DGAT1: variants seen among roughly 807,000 people sequenced by gnomAD.
The protein encoded by DGAT1 is diacylglycerol O-acyltransferase 1.
DGAT1 carries 60 observed loss-of-function variants against 72.6 expected under a neutral mutation model. The ratio of observed to expected loss-of-function variants is 0.83; its 90% CI spans 0.67 to 1.02. The LOEUF is 1.02. Ranked by LOEUF, DGAT1 falls within the 50% of genes least tolerant of loss-of-function variation. The pLI is 0.00. For synonymous variants in DGAT1, 290 were observed against 267.5 expected, an observed-to-expected ratio of 1.08 and a Z score of -0.82; for missense variants, 592 against 670.0, an observed-to-expected ratio of 0.88 and a Z score of 1.29.
In DGAT1 at chr8:144,318,726, T is replaced by C; in HGVS notation, c.441A>G (p.Ala147=). 2 of 1,608,312 alleles carry C rather than the reference T, an allele frequency of 1.2e-6. No homozygotes were observed. The highest frequency in any genetic ancestry group is 1.7e-6 in the Non-Finnish European group (2 of 1,177,862). The part of the protein sequence containing the change: ...VIAANVFAVA[A]FQVEKRLAVG... ...CCGCCAGGCGCTTCTCAACCTGGAA[T>C]GCAGCCACAGCAAAGACATTGGCCG... Residue 147 remains alanine, a synonymous_variant, in exon 5 of 17, where the codon GCA becomes GCG. Transcript: ENST00000528718.
At chr8:144,323,583 CCT>C (rs1179980369) in intron 1 of DGAT1, among the ~76,000 whole-genome samples, 1 of 152,152 alleles carries the variant, frequency 6.6e-6, no homozygotes, top group African/African-American at 2.4e-5. Context: ...CCTTTATCAC[CCT>C]CTCACTGACT....
At chr8:144,326,075 C>G (rs1384063794) in intron 1 of DGAT1, among the ~76,000 whole-genome samples, 1 of 152,160 alleles carries the variant, frequency 6.6e-6, no homozygotes, top group East Asian at 1.9e-4. Context: ...TCACCACAAA[C>G]TGCCCAGATC....
intron 2 of DGAT1, among the ~76,000 whole-genome samples, chr8:144,320,247 AG>A (rs1236872199): frequency 2.0e-5 from 3 of 152,228 alleles, no homozygotes; most frequent in Admixed American, 2.0e-4. Flanking sequence ...CCAAAGGGCC[AG>A]GCAGGCCCAA....
chr8:144,314,655 G>A lies in DGAT1; in HGVS notation c.*1899C>T, dbSNP rs563787134. ...GTTCCCCGCTCCACAGAGATACACAGATATATACACACAGTGGATGGACGG... is the reference window on the plus strand; with the variant it reads ...GTTCCCCGCTCCACAGAGATACACAAATATATACACACAGTGGATGGACGG... On this transcript the variant is annotated 3_prime_UTR_variant, in exon 17 of 17. Transcript: ENST00000528718. 27 of 389,924 alleles carry A rather than the reference G, an allele frequency of 6.9e-5. No homozygotes were observed. Among genetic ancestry groups the A allele is most frequent in the African/African-American group, 3.4e-4 (17 of 50,002 alleles). 24.2% of individuals were successfully genotyped at this position (389,924 alleles called of 1,614,324 possible).
At chr8:144,320,587 C>T (rs1370756576) in intron 2 of DGAT1, among the ~76,000 whole-genome samples, 8 of 152,152 alleles carry the variant, frequency 5.3e-5, no homozygotes, top group South Asian at 2.1e-4. Flanking sequence ...AGGCTGGGCC[C>T]AGATAGCCCT....
At position 144,315,171 on chromosome 8, in the gene DGAT1, G is replaced by A. The variant is rs1207332812; in HGVS notation, c.*1383C>T. 1.0e-6 allele frequency: 1 copy of A among 985,370 alleles called. No individual in the cohort carries two copies. The highest frequency in any genetic ancestry group is 1.7e-5 in the African/African-American group (1 of 57,238). 61.0% of individuals were successfully genotyped at this position (985,370 alleles called of 1,614,324 possible). A position where few individuals can be genotyped will look rare whatever the true frequency, so the allele number is the denominator to read the frequency against. The stretch of plus-strand genomic sequence containing the variant: ...TTTGCTGCTTTATCTGGCAGCAACA[G>A]TTTGTTCTCGAGCTCCACTGGCCAA... On this transcript the variant is annotated 3_prime_UTR_variant, in exon 17 of 17. Transcript: ENST00000528718.
rs781934211 is a variant in DGAT1 at position 144,318,377 on chromosome 8, G to T, written c.575-15C>A. 3.1e-6 allele frequency: 5 copies of T among 1,609,788 alleles called. No individual in the cohort carries two copies. The highest frequency in any genetic ancestry group is 4.2e-6 in the Non-Finnish European group (5 of 1,177,902). ...CAGGGAGCCCACTGCAGGAGAGGTG[G>T]ACTCAGGCCTCCACAGCGCCACAGC... is the stretch of plus-strand genomic sequence containing the variant. On this transcript the variant is annotated splice_polypyrimidine_tract_variant and intron_variant, in intron 6 of 16. Transcript: ENST00000528718.
chr8:144,319,413 C>G (rs1035968305), intron 2 of DGAT1, among the ~76,000 whole-genome samples: 1 of 152,218 alleles, frequency 6.6e-6, no homozygotes, highest in African/African-American at 2.4e-5. Context: ...CCTGCTGAGC[C>G]GAGCCAGTGA....
At chr8:144,319,877 T>G (rs1212710022) in intron 2 of DGAT1, among the ~76,000 whole-genome samples, 1 of 152,164 alleles carries the variant, frequency 6.6e-6, no homozygotes, top group Non-Finnish European at 1.5e-5. Context: ...TCGGGCCTCA[T>G]GCGGTAGTGA....
Position 144,314,816 on chromosome 8 carries a change from G to T in DGAT1, c.*1738C>A, listed in dbSNP as rs1030283105. The T allele has an allele frequency of 6.3e-6, 5 of 794,060 alleles. No individual in the cohort carries two copies. In the East Asian group the frequency reaches 4.9e-4, roughly 77 times the overall value. 49.2% of individuals were successfully genotyped at this position (794,060 alleles called of 1,614,324 possible). A position where few individuals can be genotyped will look rare whatever the true frequency, so the allele number is the denominator to read the frequency against. ...GGCACAGAAGGGCCGGGCTGCAGTGGCCTCCTGGGGGAAGACGGATGCTTG... is the reference window on the plus strand; with the variant it reads ...GGCACAGAAGGGCCGGGCTGCAGTGTCCTCCTGGGGGAAGACGGATGCTTG... On this transcript the variant is annotated 3_prime_UTR_variant, in exon 17 of 17. Transcript: ENST00000528718.
At chr8:144,320,402 G>A (rs1554847979) in intron 2 of DGAT1, among the ~76,000 whole-genome samples, 1 of 152,202 alleles carries the variant, frequency 6.6e-6, no homozygotes, top group Non-Finnish European at 1.5e-5. Flanking sequence ...AGGACTCGTG[G>A]GCCTCCACAG....
At position 144,318,680 on chromosome 8, in the gene DGAT1, G is replaced by A. The variant is rs1554847716; in HGVS notation, c.468+19C>T. The A allele has an allele frequency of 1.2e-6, 2 of 1,608,856 alleles. No homozygotes were observed. Among genetic ancestry groups the A allele is most frequent in the East Asian group, 2.2e-5 (1 of 44,708 alleles). ...ACACAGCAGGGTGAGCACACACGGAGGTGAGGGGCACTGCTTACCACCGCC... is the reference window on the plus strand; with the variant it reads ...ACACAGCAGGGTGAGCACACACGGAAGTGAGGGGCACTGCTTACCACCGCC... On this transcript the variant is annotated intron_variant, in intron 5 of 16. Coordinates refer to ENST00000528718, the MANE Select transcript of DGAT1 (RefSeq NM_012079.6).
chr8:144,320,351 T>C (rs1817413430), intron 2 of DGAT1, among the ~76,000 whole-genome samples: 1 of 152,188 alleles, frequency 6.6e-6, no homozygotes, highest in African/African-American at 2.4e-5. Context: ...GGGCTGGCGC[T>C]GGGCCCACTG....
rs148532878 is a variant in DGAT1 at position 144,318,735 on chromosome 8, A to G, written c.432T>C (p.Ala144=). ...PCLVIAANVF[A]VAAFQVEKRL... is the part of the protein sequence containing the mutation. ...GCTTCTCAACCTGGAATGCAGCCAC[A>G]GCAAAGACATTGGCCGCTGTGGACA... Residue 144 remains alanine, a synonymous_variant, in exon 5 of 17, where the codon GCT becomes GCC. Coordinates refer to ENST00000528718, the MANE Select transcript of DGAT1 (RefSeq NM_012079.6). 1.4e-4 allele frequency: 221 copies of G among 1,608,276 alleles called. No homozygotes were observed. The African/African-American group carries it at 2.4e-3, about 18-fold the overall frequency.
chr8:144,319,696 C>T (rs1340366190), intron 2 of DGAT1, among the ~76,000 whole-genome samples: 2 of 152,212 alleles, frequency 1.3e-5, no homozygotes, highest in Non-Finnish European at 2.9e-5. Flanking sequence ...GGCTCCAAAG[C>T]AACTTCCCAG....
In DGAT1 at chr8:144,321,361, C is replaced by T. The variant is rs782421322; in HGVS notation, c.248G>A (p.Ser83Asn). Residue 83 changes from serine (S) to asparagine (N), a missense_variant, in exon 2 of 17, where the codon AGC becomes AAC. By Grantham distance (46) the Ser-to-Asn change is conservative. Coordinates refer to ENST00000528718, the MANE Select transcript of DGAT1 (RefSeq NM_012079.6). ...CCAGTTCAGGATGCCACGGTAGTTG[C>T]TGAAGCCACTGTCAGAGCTGAATAA... ...DSLFSSDSGF[S>N]NYRGILNWCV... 3.1e-6 allele frequency: 5 copies of T among 1,614,020 alleles called. No individual in the cohort carries two copies. Among genetic ancestry groups the T allele is most frequent in the Non-Finnish European group, 3.4e-6 (4 of 1,179,974 alleles).
intron 1 of DGAT1, 53 bp downstream of exon 1, chr8:144,326,384 G>A (rs1554848771): frequency 3.0e-6 from 4 of 1,355,732 alleles, no homozygotes; most frequent in Admixed American, 3.3e-5. Context: ...GGCCAACCCC[G>A]GAAAGTCGCG....
In DGAT1 at chr8:144,321,532, C is replaced by G. The variant is rs1817458830; in HGVS notation, c.201-124G>C. ...TCAGGCCCCACTCCTTATTTACAAC[C>G]AGGAGGAGAAGCCAGGCAGAGCCAC... On this transcript the variant is annotated intron_variant, in intron 1 of 16. Coordinates refer to ENST00000528718, the MANE Select transcript of DGAT1 (RefSeq NM_012079.6). 3 of 858,112 alleles carry G rather than the reference C, an allele frequency of 3.5e-6. No homozygotes were observed. In the South Asian group the frequency reaches 4.4e-5, roughly 12 times the overall value. 53.2% of individuals were successfully genotyped at this position (858,112 alleles called of 1,614,324 possible). A position where few individuals can be genotyped will look rare whatever the true frequency, so the allele number is the denominator to read the frequency against.
intron 1 of DGAT1, among the ~76,000 whole-genome samples, chr8:144,322,209 G>A (rs1817478033): frequency 6.6e-6 from 1 of 152,164 alleles, no homozygotes; most frequent in African/African-American, 2.4e-5. Context: ...CCAATAGAGG[G>A]ACTGCCATAT....
Sources: allele counts gnomAD v4.1 joint callset (sites outside exome capture counted in the v4.1 genomes callset), GRCh38; gene constraint gnomAD v4.1.1; transcripts MANE v1.5; gene names NCBI Gene and HGNC (gene_info 2026-07-23, HGNC 2026-07-21).